Variants in ETV5 observed in about 807,000 individuals in gnomAD.
ETV5 encodes the protein ETS variant transcription factor 5.
Under a neutral mutation model 70.0 loss-of-function variants are expected in ETV5, and 10 were observed. The ratio of observed to expected loss-of-function variants is 0.14; its 90% confidence interval spans 0.09 to 0.24. The LOEUF (loss-of-function observed/expected upper bound fraction) is 0.24. Ranked by LOEUF, ETV5 falls within the 10% of genes least tolerant of loss-of-function variation. The pLI, the probability that ETV5 is intolerant of heterozygous loss-of-function variation, is 1.00. For missense variants in ETV5, 453 were observed against 651.2 expected (o/e 0.70, Z 3.31); for synonymous variants, 216 against 242.2 (o/e 0.89, Z 1.01).
chr3:186,078,059 A>G, intron 7 of ETV5: 1 of 1,056,072 alleles, frequency 9.5e-7, no homozygotes. Context: ...AATCCCAGGA[A>G]TCCAAAACTC....
chr3:186,084,630 T>C (rs932925201), intron 5 of ETV5, among the ~76,000 whole-genome samples: 4 of 152,164 alleles, frequency 2.6e-5, no homozygotes, highest in African/African-American at 9.7e-5. Flanking sequence ...CAATCAGAGA[T>C]AGATTAGGGC....
In ETV5 at chr3:186,085,314, G is replaced by C. The variant is rs142745195; in HGVS notation, c.233-4139C>G. Among the ~76,000 whole-genome samples the C allele has an allele frequency of 9.9e-5, 15 of 152,036 alleles. No individual in the cohort carries two copies. The East Asian group carries it at 2.3e-3, about 24-fold the overall frequency. ...ACAATACGGGAGAAGACAACAGAAG[G>C]ATACTTTTTTCCAGCTCTCAGGGCT... On this transcript the variant is annotated intron_variant, in intron 5 of 12. Transcript: ENST00000306376.
At chr3:186,089,693 C>T (rs1046047887) in intron 5 of ETV5, among the ~76,000 whole-genome samples, 1 of 152,120 alleles carries the variant, frequency 6.6e-6, no homozygotes, top group African/African-American at 2.4e-5. Context: ...AAAAAGTCAG[C>T]GACTGGCCAA....
chr3:186,051,856 T>A (rs1009988995), intron 12 of ETV5, among the ~76,000 whole-genome samples, 174 bp downstream of exon 12: 14 of 152,216 alleles, frequency 9.2e-5, no homozygotes, highest in Admixed American at 6.5e-4. Flanking sequence ...ATGTACTCTA[T>A]ATCTCATTTG....
intron 7 of ETV5, among the ~76,000 whole-genome samples, chr3:186,069,281 T>A (rs756008220): frequency 8.3e-4 from 127 of 152,234 alleles, no homozygotes; most frequent in Non-Finnish European, 1.2e-3. Context: ...ACCTGGCCAA[T>A]GTCTTAAACA....
chr3:186,080,553 C>G (rs530638809), intron 6 of ETV5: 8 of 232,984 alleles, frequency 3.4e-5, no homozygotes, highest in African/African-American at 1.5e-4. Context: ...TCTCCTCCCC[C>G]TTTCAGGCAA....
chr3:186,069,840 G>A lies in ETV5; in HGVS notation c.651-3768C>T, dbSNP rs540515060. ...TTATTTTTTGTTGAGACGGCGTCTC[G>A]CTCTTGTCCAGATTGGAGTGCAGTG... On this transcript the variant is annotated intron_variant, in intron 7 of 12. Transcript: ENST00000306376. 4.9e-4 allele frequency among the ~76,000 whole-genome samples: 75 copies of A among 152,158 alleles called. 3 individuals are homozygous for A. In the South Asian group the frequency reaches 0.015, roughly 31 times the overall value.
At chr3:186,072,457 A>G (rs1713666666) in intron 7 of ETV5, among the ~76,000 whole-genome samples, 2 of 152,200 alleles carry the variant, frequency 1.3e-5, no homozygotes, top group South Asian at 2.1e-4. Flanking sequence ...ACCATGCACA[A>G]ATCAAAGGAG....
intron 5 of ETV5, among the ~76,000 whole-genome samples, chr3:186,095,835 T>C (rs1372458861): frequency 2.6e-5 from 4 of 152,200 alleles, no homozygotes; most frequent in African/African-American, 7.2e-5. Flanking sequence ...ACAGTGTTAC[T>C]TCCCCACCAG....
intron 5 of ETV5, among the ~76,000 whole-genome samples, chr3:186,088,208 C>T (rs1486906660): frequency 2.6e-5 from 4 of 152,214 alleles, no homozygotes; most frequent in Admixed American, 6.5e-5. Context: ...ACTCAACTGT[C>T]ATTATCCTCT....
At chr3:186,107,054 T>A (rs1208393984) in intron 1 of ETV5, 1 of 537,048 alleles carries the variant, frequency 1.9e-6, no homozygotes, top group Non-Finnish European at 2.4e-6. Context: ...ATCCAATTTG[T>A]TTTTCACACT....
rs1713391322 is a variant in ETV5 at position 186,064,596 on chromosome 3, T to C, written c.911-120A>G. On this transcript the variant is annotated intron_variant, in intron 8 of 12. Coordinates refer to ENST00000306376, the MANE Select transcript of ETV5 (RefSeq NM_004454.3). ...AACTTCCTGCTCTGGGGTCATGTCT[T>C]TCTGGCTTTGTCCTGGGAAAGAGGT... 20 of 983,882 alleles carry C rather than the reference T, an allele frequency of 2.0e-5. No individual in the cohort carries two copies. In the South Asian group the frequency reaches 2.3e-4, roughly 11 times the overall value. 60.9% of individuals were successfully genotyped at this position (983,882 alleles called of 1,614,324 possible). A position where few individuals can be genotyped will look rare whatever the true frequency, so the allele number is the denominator to read the frequency against.
chr3:186,104,800 G>C (rs1189527842), intron 5 of ETV5: 1 of 148,114 alleles, frequency 6.8e-6, no homozygotes, highest in African/African-American at 2.5e-5. Flanking sequence ...GGAGTGCAGT[G>C]ATGCGATCTC....
intron 1 of ETV5, chr3:186,108,361 G>T: frequency 1.8e-6 from 1 of 552,110 alleles, no homozygotes; most frequent in Non-Finnish European, 3.2e-6. Flanking sequence ...CTGCTGGGTG[G>T]GAGCAGGGCG....
chr3:186,107,743 C>T (rs571273878), intron 1 of ETV5, among the ~76,000 whole-genome samples: 3 of 152,126 alleles, frequency 2.0e-5, no homozygotes, highest in African/African-American at 4.8e-5. Flanking sequence ...TCCCCTGTGG[C>T]GCGCAGCGGG....
intron 5 of ETV5, among the ~76,000 whole-genome samples, chr3:186,092,400 T>TA (rs150302932): frequency 6.6e-6 from 1 of 152,352 alleles, no homozygotes; most frequent in East Asian, 1.9e-4. Context: ...GAGTTATTGA[T>TA]AAAATTTTCC....
In ETV5 at chr3:186,057,546, T is replaced by G; in HGVS notation, c.971-55A>C. The G allele has an allele frequency of 4.9e-6, 7 of 1,432,100 alleles. No individual in the cohort carries two copies. The highest frequency in any genetic ancestry group is 6.9e-6 in the Non-Finnish European group (7 of 1,014,712). 88.7% of individuals were successfully genotyped at this position (1,432,100 alleles called of 1,614,324 possible). A position where few individuals can be genotyped will look rare whatever the true frequency, so the allele number is the denominator to read the frequency against. On this transcript the variant is annotated intron_variant, in intron 9 of 12. Transcript: ENST00000306376. This position sits in a 1 kb window ranked among gnomAD's most constrained non-coding sequence, Gnocchi z 4.9. Reference sequence around the variant, plus strand: ...TTGCTTAACAAATTCTGTGTTGTACTAAAACTATGGATTTAAGGACTAGAG... The same window carrying G: ...TTGCTTAACAAATTCTGTGTTGTACGAAAACTATGGATTTAAGGACTAGAG...
chr3:186,079,161 G>C, intron 7 of ETV5: 1 of 914,794 alleles, frequency 1.1e-6, no homozygotes. Flanking sequence ...CGAGATTCTA[G>C]AATACCACAG....
chr3:186,105,389 T>G lies in ETV5; in HGVS notation c.182-34A>C, dbSNP rs200396954. 238 of 1,611,736 alleles carry G rather than the reference T, an allele frequency of 1.5e-4. No individual in the cohort carries two copies. In the African/African-American group the frequency reaches 3.0e-3, roughly 20 times the overall value. Reference sequence around the variant, plus strand: ...TAGATTTTTATTTTAGACCTTTAAGTTTTATTAAAAAGCACAGTAAAATGT... The same window carrying G: ...TAGATTTTTATTTTAGACCTTTAAGGTTTATTAAAAAGCACAGTAAAATGT... On this transcript the variant is annotated intron_variant, in intron 4 of 12. Transcript: ENST00000306376. This position sits in a 1 kb window ranked among gnomAD's most constrained non-coding sequence, Gnocchi z 4.5.
Sources: allele counts gnomAD v4.1 joint callset (sites outside exome capture counted in the v4.1 genomes callset), GRCh38; gene constraint gnomAD v4.1.1; non-coding constraint Gnocchi (gnomAD v3.1); transcripts MANE v1.5; gene names NCBI Gene and HGNC (gene_info 2026-07-23, HGNC 2026-07-21).